Variants in TEKT3 observed in about 807,000 individuals in gnomAD.
The protein encoded by TEKT3 is tektin 3, also known as tektin-3.
TEKT3 carries 49 observed loss-of-function variants against 49.8 expected under a neutral mutation model. The observed-to-expected ratio is 0.98, with a 90% confidence interval of 0.78 to 1.25. The LOEUF (loss-of-function observed/expected upper bound fraction) is 1.25. Among genes scored for constraint, TEKT3 ranks in the 50% most tolerant of loss-of-function variants. The probability of loss-of-function intolerance (pLI) is 0.00; values close to 1 mark genes in which losing one functional copy is unlikely to be tolerated. For missense variants in TEKT3, 595 were observed against 629.5 expected (o/e 0.95, Z 0.59); for synonymous variants, 225 against 237.2 (o/e 0.95, Z 0.47).
chr17:15,331,075 T>C lies in TEKT3; in HGVS notation c.511A>G (p.Thr171Ala), dbSNP rs1254241900. Residue 171 changes from threonine to alanine, a missense_variant, in exon 3 of 9, where the codon ACA becomes GCA. By Grantham distance (58) the Thr-to-Ala change is moderately conservative. Transcript: ENST00000395930. Reference protein sequence around the residue: ...IHELDEMIGETNALTDVKKRL... With the variant: ...IHELDEMIGEANALTDVKKRL... ...TTCTTCACATCAGTAAGTGCATTTGTCTCTCCAATCATTTCATCCAACTCA... is the reference window on the plus strand; with the variant it reads ...TTCTTCACATCAGTAAGTGCATTTGCCTCTCCAATCATTTCATCCAACTCA... 2 of 1,614,208 alleles carry C rather than the reference T, an allele frequency of 1.2e-6. No homozygotes were observed. The highest frequency in any genetic ancestry group is 2.7e-5 in the African/African-American group (2 of 75,054).
chr17:15,319,213 T>C, intron 4 of TEKT3, 66 bp from the exon 5 acceptor site: 1 of 1,314,370 alleles, frequency 7.6e-7, no homozygotes, highest in Non-Finnish European at 1.0e-6. Context: ...AAATCAACAA[T>C]GTAACAAACA....
At position 15,303,955 on chromosome 17, in the gene TEKT3, C is replaced by G. The variant is rs766585899; in HGVS notation, c.1454G>C (p.Arg485Pro). 6.2e-7 allele frequency: 1 copy of G among 1,613,996 alleles called. No individual in the cohort carries two copies. The highest frequency in any genetic ancestry group is 2.2e-5 in the East Asian group (1 of 44,868). Residue 485 changes from arginine to proline, a missense_variant, in exon 9 of 9, where the codon CGG (arginine) becomes CCG (proline). Coordinates refer to ENST00000395930, the MANE Select transcript of TEKT3 (RefSeq NM_031898.3). ...GGGTCCCTAGCAGAAGCCGACCAGC[C>G]GGAGGGTGTTGGGGTAGCTCTTGCG... ...SMRKSYPNTL[R>P]LVGFC
intron 3 of TEKT3, among the ~76,000 whole-genome samples, chr17:15,330,766 T>A (rs1479486962): frequency 6.6e-6 from 1 of 152,220 alleles, no homozygotes; most frequent in Non-Finnish European, 1.5e-5. Context: ...TCTATTTAAT[T>A]GGTCTTCTTT....
chr17:15,320,342 G>T (rs1237580528), intron 4 of TEKT3, among the ~76,000 whole-genome samples: 1 of 151,996 alleles, frequency 6.6e-6, no homozygotes, highest in Non-Finnish European at 1.5e-5. Flanking sequence ...ATTTGTGAGG[G>T]TTATAAACAT....
chr17:15,312,057 G>T (rs1910790518), intron 7 of TEKT3, among the ~76,000 whole-genome samples: 1 of 152,148 alleles, frequency 6.6e-6, no homozygotes, highest in African/African-American at 2.4e-5. Flanking sequence ...CCAAATACCA[G>T]TGGATTCCAA....
rs752793646 is a variant in TEKT3 at position 15,304,004 on chromosome 17, C to T, written c.1405G>A (p.Asp469Asn). 1.3e-5 allele frequency: 21 copies of T among 1,614,066 alleles called. No individual in the cohort carries two copies. In the East Asian group the frequency reaches 1.3e-4, roughly 10 times the overall value. The change falls in exon 9 of 9, where the codon GAC becomes AAC. Residue 469 changes from aspartate to asparagine, a missense_variant. Coordinates refer to ENST00000395930, the MANE Select transcript of TEKT3 (RefSeq NM_031898.3). The surrounding 1 kb of genome is among the most constrained non-coding windows in gnomAD (Gnocchi z 4.7). ...LAVKANSLYI[D>N]QEKCMSMRKS... ...CGCATGCTCATGCATTTTTCCTGGT[C>T]GATGTACAGGGAATTGGCTTTGACA...
chr17:15,329,141 A>G (rs750629419), intron 3 of TEKT3, among the ~76,000 whole-genome samples: 1 of 152,216 alleles, frequency 6.6e-6, no homozygotes, highest in Non-Finnish European at 1.5e-5. Context: ...TCTAAATGTC[A>G]TGCATTTTCA....
chr17:15,308,815 G>A lies in TEKT3; in HGVS notation c.1105C>T (p.Leu369=). ...NKIQTHLAKT[L]QEIFQTEMTI... ...ATTTCAGTCTGGAAAATCTCCTGCAGGGTCTGTGACAAAGAGAAGCAACTG... is the reference window on the plus strand; with the variant it reads ...ATTTCAGTCTGGAAAATCTCCTGCAAGGTCTGTGACAAAGAGAAGCAACTG... Residue 369 remains leucine, a synonymous_variant, in exon 8 of 9, where the codon CTG becomes TTG. Transcript: ENST00000395930. The A allele has an allele frequency of 6.2e-7, 1 of 1,613,718 alleles. No homozygotes were observed. The highest frequency in any genetic ancestry group is 1.3e-5 in the African/African-American group (1 of 75,016).
chr17:15,311,163 C>T (rs1223637526), intron 7 of TEKT3, among the ~76,000 whole-genome samples: 1 of 152,228 alleles, frequency 6.6e-6, no homozygotes, highest in African/African-American at 2.4e-5. Context: ...TGATGCTTCT[C>T]TCTGCTCTTC....
intron 5 of TEKT3, among the ~76,000 whole-genome samples, chr17:15,315,941 G>A (rs934409674): frequency 6.6e-6 from 1 of 152,252 alleles, no homozygotes. Flanking sequence ...GAATGAGTCA[G>A]TTCTAGCTGC....
At chr17:15,306,089 A>ATGTGTG (rs58688985) in intron 8 of TEKT3, among the ~76,000 whole-genome samples, 7,530 of 144,272 alleles carry the variant, frequency 0.052, 235 homozygotes, top group Middle Eastern at 0.082. Context: ...ATTTATATAT[A>ATGTGTG]TGTGTGTGTG....
intron 2 of TEKT3, among the ~76,000 whole-genome samples, chr17:15,333,874 C>A (rs1382142907): frequency 6.6e-6 from 1 of 151,536 alleles, no homozygotes; most frequent in East Asian, 1.9e-4. Flanking sequence ...ATTCTCCTGC[C>A]TCCTCAGCCT....
In TEKT3 at chr17:15,329,077, C is replaced by T. The variant is rs570379202; in HGVS notation, c.580-1002G>A. Among the ~76,000 whole-genome samples, 83 of 152,294 alleles carry T rather than the reference C, an allele frequency of 5.4e-4. 1 individual carries two copies. Among genetic ancestry groups the T allele is most frequent in the African/African-American group, 1.9e-3 (81 of 41,554 alleles). ...TGCTTCCCAGGAAATTTCTACCAATCCATAGCCCCACCAGTAATATATGAA... is the reference window on the plus strand; with the variant it reads ...TGCTTCCCAGGAAATTTCTACCAATTCATAGCCCCACCAGTAATATATGAA... On this transcript the variant is annotated intron_variant, in intron 3 of 8. Transcript: ENST00000395930.
intron 4 of TEKT3, among the ~76,000 whole-genome samples, chr17:15,326,277 G>C (rs1911487406): frequency 6.6e-6 from 1 of 152,174 alleles, no homozygotes. Flanking sequence ...AGGCGAAGAG[G>C]TGTGACCCTG....
At chr17:15,329,957 G>A (rs914753220) in intron 3 of TEKT3, among the ~76,000 whole-genome samples, 15 of 152,192 alleles carry the variant, frequency 9.9e-5, no homozygotes, top group African/African-American at 3.6e-4. Flanking sequence ...ATGGAGGAGG[G>A]TGGAATGGGG....
Position 15,337,789 on chromosome 17 carries a change from C to T in TEKT3, c.-30+2239G>A, listed in dbSNP as rs540225921. Among the ~76,000 whole-genome samples the T allele has an allele frequency of 1.4e-4, 22 of 152,038 alleles. No homozygotes were observed. In the South Asian group the frequency reaches 4.4e-3, roughly 30 times the overall value. On this transcript the variant is annotated intron_variant, in intron 2 of 8. Transcript: ENST00000395930. Reference sequence around the variant, plus strand: ...CTGGGAGGCGGAGGTTGCAGTGAGCCGAGATCATGCCACTGCACTCCAGCC... The same window carrying T: ...CTGGGAGGCGGAGGTTGCAGTGAGCTGAGATCATGCCACTGCACTCCAGCC...
chr17:15,308,986 C>G (rs1026764084), intron 7 of TEKT3, 168 bp from the exon 8 acceptor site: 12 of 750,576 alleles, frequency 1.6e-5, no homozygotes, highest in Non-Finnish European at 2.5e-5. Context: ...CCAGGGAACC[C>G]ACGTGTCTCA....
At chr17:15,326,956 T>C (rs1911518426) in intron 4 of TEKT3, among the ~76,000 whole-genome samples, 1 of 152,126 alleles carries the variant, frequency 6.6e-6, no homozygotes, top group Admixed American at 6.5e-5. Flanking sequence ...TGGATGGCAA[T>C]TTGGCTACAT....
chr17:15,320,487 T>C (rs1248562657), intron 4 of TEKT3, among the ~76,000 whole-genome samples: 2 of 152,220 alleles, frequency 1.3e-5, no homozygotes, highest in South Asian at 2.1e-4. Flanking sequence ...CAAATATATC[T>C]CCTTTTGGTT....
Sources: allele counts gnomAD v4.1 joint callset (sites outside exome capture counted in the v4.1 genomes callset), GRCh38; gene constraint gnomAD v4.1.1; non-coding constraint Gnocchi (gnomAD v3.1); transcripts MANE v1.5; gene names NCBI Gene and HGNC (gene_info 2026-07-23, HGNC 2026-07-21).